Variants in EPAS1 observed in about 807,000 individuals in gnomAD.
The protein encoded by EPAS1 is endothelial PAS domain protein 1.
In EPAS1, 23 loss-of-function variants were observed where a neutral mutation model predicts 87.9. The observed-to-expected ratio is 0.26, with a 90% CI of 0.19 to 0.37. EPAS1 has a LOEUF of 0.37. EPAS1 is among the 10% of genes least tolerant of loss of function. EPAS1 has a pLI of 1.00. For missense variants in EPAS1, 1,138 were observed against 1,120.7 expected (o/e 1.02, Z -0.22); for synonymous variants, 508 against 444.3 (o/e 1.14, Z -1.80).
At chr2:46,384,152 G>A (rs1156812712) in intron 15 of EPAS1, among the ~76,000 whole-genome samples, 3 of 152,220 alleles carry the variant, frequency 2.0e-5, no homozygotes, top group Admixed American at 6.5e-5. Flanking sequence ...ATGTATGTGT[G>A]TGTTCTGCAT....
At chr2:46,317,473 C>A (rs772106226) in intron 1 of EPAS1, among the ~76,000 whole-genome samples, 1 of 152,172 alleles carries the variant, frequency 6.6e-6, no homozygotes, top group Non-Finnish European at 1.5e-5. Flanking sequence ...GCATTGACAA[C>A]GAGCACATAA....
At chr2:46,369,537 A>G (rs1382439947) in intron 6 of EPAS1, among the ~76,000 whole-genome samples, 1 of 152,184 alleles carries the variant, frequency 6.6e-6, no homozygotes, top group Non-Finnish European at 1.5e-5. Context: ...GAGAACAGAC[A>G]TATGTGTGTA....
chr2:46,336,458 G>A (rs978604522), intron 1 of EPAS1, among the ~76,000 whole-genome samples: 4 of 152,164 alleles, frequency 2.6e-5, no homozygotes, highest in African/African-American at 9.7e-5. Context: ...TAGGGCTTGG[G>A]CTGGTCCTAA....
chr2:46,362,751 A>G (rs1018390060), intron 6 of EPAS1, among the ~76,000 whole-genome samples: 1 of 152,174 alleles, frequency 6.6e-6, no homozygotes. Context: ...TTGTGGCACA[A>G]TTTCAGAACT....
At chr2:46,307,715 C>T (rs778009463) in intron 1 of EPAS1, among the ~76,000 whole-genome samples, 4 of 152,262 alleles carry the variant, frequency 2.6e-5, no homozygotes, top group East Asian at 1.9e-4. Context: ...TTAGTGCCCC[C>T]GTGCATTTCC....
intron 4 of EPAS1, among the ~76,000 whole-genome samples, chr2:46,357,831 G>C (rs1192835878): frequency 6.6e-6 from 1 of 152,222 alleles, no homozygotes; most frequent in African/African-American, 2.4e-5. Context: ...CAGAAAGCAC[G>C]TTGCAATGGT....
In EPAS1 at chr2:46,338,421, T is replaced by C. The variant is rs73926260; in HGVS notation, c.27-8452T>C. 1.9e-3 allele frequency among the ~76,000 whole-genome samples: 289 copies of C among 152,300 alleles called. 1 individual carries two copies. The highest frequency in any genetic ancestry group is 6.5e-3 in the African/African-American group (269 of 41,564). On this transcript the variant is annotated intron_variant, in intron 1 of 15. Coordinates refer to ENST00000263734, the MANE Select transcript of EPAS1 (RefSeq NM_001430.5). ...CTGCATGGTGTCAGGGGTCGGGCAGTGGCAGACATCAGAGGCCACAGAGAG... is the reference window on the plus strand; with the variant it reads ...CTGCATGGTGTCAGGGGTCGGGCAGCGGCAGACATCAGAGGCCACAGAGAG...
chr2:46,357,830 C>T (rs1043484839), intron 4 of EPAS1, among the ~76,000 whole-genome samples: 1 of 152,208 alleles, frequency 6.6e-6, no homozygotes, highest in African/African-American at 2.4e-5. Flanking sequence ...GCAGAAAGCA[C>T]GTTGCAATGG....
At chr2:46,336,023 ACT>A (rs1270232356) in intron 1 of EPAS1, 2 of 152,050 alleles carry the variant, frequency 1.3e-5, no homozygotes, top group Admixed American at 1.3e-4. Context: ...CGATGCTTTA[ACT>A]CTTCACTGAA....
intron 2 of EPAS1, among the ~76,000 whole-genome samples, chr2:46,348,267 A>G (rs904164970): frequency 1.3e-5 from 2 of 152,168 alleles, no homozygotes; most frequent in African/African-American, 2.4e-5. Flanking sequence ...CTCCATAAAT[A>G]CTTTCAAAGA....
intron 1 of EPAS1, among the ~76,000 whole-genome samples, chr2:46,328,353 C>G (rs1311272144): frequency 6.6e-6 from 1 of 152,210 alleles, no homozygotes; most frequent in Non-Finnish European, 1.5e-5. Context: ...CCATACCACT[C>G]TTCGTTAACC....
At position 46,300,891 on chromosome 2, in the gene EPAS1, T is replaced by C. The variant is rs2104834023; in HGVS notation, c.26+2954T>C. Reference sequence around the variant, plus strand: ...TCTGACAGCTGGACTTAGTTGTTCCTCTTCTAAAATCAAATCAAACTCCAT... The same window carrying C: ...TCTGACAGCTGGACTTAGTTGTTCCCCTTCTAAAATCAAATCAAACTCCAT... On this transcript the variant is annotated intron_variant, in intron 1 of 15. Coordinates refer to ENST00000263734, the MANE Select transcript of EPAS1 (RefSeq NM_001430.5). This position sits in a 1 kb window ranked among gnomAD's most constrained non-coding sequence, Gnocchi z 4.1. Among the ~76,000 whole-genome samples, 1 of 152,314 alleles carries C rather than the reference T, an allele frequency of 6.6e-6. No individual in the cohort carries two copies. The highest frequency in any genetic ancestry group is 2.1e-4 in the South Asian group (1 of 4,830).
intron 2 of EPAS1, among the ~76,000 whole-genome samples, chr2:46,355,074 T>C (rs1684243762): frequency 6.6e-6 from 1 of 152,232 alleles, no homozygotes; most frequent in Non-Finnish European, 1.5e-5. Flanking sequence ...TCTTCCCATC[T>C]ACACTTTTCC....
chr2:46,334,422 C>T (rs1054568046), intron 1 of EPAS1, among the ~76,000 whole-genome samples: 5 of 152,224 alleles, frequency 3.3e-5, no homozygotes, highest in Non-Finnish European at 5.9e-5. Context: ...CCACTGGCAC[C>T]TCTGCCCATT....
chr2:46,382,180 G>A, intron 14 of EPAS1, 91 bp downstream of exon 14: 10 of 1,244,534 alleles, frequency 8.0e-6, no homozygotes, highest in Non-Finnish European at 9.2e-6. Flanking sequence ...ATTCACCACA[G>A]GCCGTACCTG....
In EPAS1 at chr2:46,297,881, C is replaced by T. The variant is rs1421406675; in HGVS notation, c.-31C>T. Reference sequence around the variant, plus strand: ...CCCGCCAGGGAGCCCAGGTGCTCGGCGTCTGAACGTCTCAAAGGGCCACAG... The same window carrying T: ...CCCGCCAGGGAGCCCAGGTGCTCGGTGTCTGAACGTCTCAAAGGGCCACAG... On this transcript the variant is annotated 5_prime_UTR_variant, in exon 1 of 16. Transcript: ENST00000263734. 1 of 1,607,874 alleles carries T rather than the reference C, an allele frequency of 6.2e-7. No homozygotes were observed. Among genetic ancestry groups the T allele is most frequent in the East Asian group, 2.2e-5 (1 of 44,538 alleles).
At chr2:46,298,026 A>C in intron 1 of EPAS1, 89 bp downstream of exon 1, 1 of 1,502,904 alleles carries the variant, frequency 6.7e-7, no homozygotes, top group Non-Finnish European at 9.1e-7. Flanking sequence ...GGTTGGGAGA[A>C]GAGTGCTGAG....
Position 46,300,683 on chromosome 2 carries a change from G to A in EPAS1, c.26+2746G>A, listed in dbSNP as rs1471168808. ...AAAATGTGGAAATTCTGGGATTCAC[G>A]GGGTTTGAGGAGTGGTTCAGGCAAA... On this transcript the variant is annotated intron_variant, in intron 1 of 15. Coordinates refer to ENST00000263734, the MANE Select transcript of EPAS1 (RefSeq NM_001430.5). This position sits in a 1 kb window ranked among gnomAD's most constrained non-coding sequence, Gnocchi z 4.1. 1.3e-5 allele frequency among the ~76,000 whole-genome samples: 2 copies of A among 152,148 alleles called. No homozygotes were observed. The highest frequency in any genetic ancestry group is 2.9e-5 in the Non-Finnish European group (2 of 68,024).
intron 1 of EPAS1, among the ~76,000 whole-genome samples, chr2:46,310,889 T>A (rs1683197369): frequency 6.6e-6 from 1 of 152,156 alleles, no homozygotes; most frequent in Non-Finnish European, 1.5e-5. Context: ...TTTGGCCTTT[T>A]TTTTTGAGAC....
Sources: gnomAD v4.1 joint callset for allele counts (sites outside exome capture counted in the v4.1 genomes callset) on GRCh38, gnomAD v4.1.1 for gene constraint, Gnocchi (gnomAD v3.1) non-coding constraint, MANE v1.5 for transcripts, NCBI Gene and HGNC (gene_info 2026-07-23, HGNC 2026-07-21) for gene names.